Variants in STK31 observed in about 807,000 individuals in gnomAD.
STK31 encodes the protein serine/threonine-protein kinase 31.
A neutral mutation model predicts 129.7 loss-of-function variants in STK31; 89 were observed. That is an observed-to-expected ratio of 0.69 (90% CI 0.58 to 0.82). The LOEUF (loss-of-function observed/expected upper bound fraction) is 0.82. Ranked by LOEUF, STK31 falls within the 40% of genes least tolerant of loss-of-function variation. The probability of loss-of-function intolerance (pLI) is 0.00; values close to 1 mark genes in which losing one functional copy is unlikely to be tolerated. For synonymous variants in STK31, 448 were observed against 395.3 expected (o/e 1.13, Z -1.58); for missense variants, 1,187 against 1,176.4 (o/e 1.01, Z -0.13).
At chr7:23,814,149 A>ATTTTTTTTTTTTTTT (rs371961794) in intron 22 of STK31, among the ~76,000 whole-genome samples, 1 of 119,216 alleles carries the variant, frequency 8.4e-6, no homozygotes, top group Non-Finnish European at 1.6e-5. Context: ...TGGCTCACTT[A>ATTTTTTTTTTTTTTT]TTTTTTTTTT....
Position 23,710,308 on chromosome 7 carries a change from C to A in STK31, c.23C>A (p.Ser8Tyr), listed in dbSNP as rs772566581. 1.9e-6 allele frequency: 3 copies of A among 1,613,328 alleles called. No homozygotes were observed. Among genetic ancestry groups the A allele is most frequent in the Admixed American group, 1.7e-5 (1 of 60,030 alleles). The change falls in exon 1 of 24, where the codon TCT (serine) becomes TAT (tyrosine). Residue 8 changes from serine to tyrosine, a missense_variant. Transcript: ENST00000355870. ...AGTATGTGGGTCCAGGGTCACTCTT[C>A]TAGAGCTTCCGCAACGGAAAGTGTG... MWVQGHS[S>Y]RASATESVSF...
At chr7:23,810,769 AAATATATATT>A (rs1793064974) in intron 22 of STK31, among the ~76,000 whole-genome samples, 2 of 107,136 alleles carry the variant, frequency 1.9e-5, no homozygotes, top group African/African-American at 9.7e-5. Context: ...TATAATATAT[AAATATATATT>A]ATATATAAAT....
chr7:23,823,985 AT>A (rs1793948463), intron 23 of STK31, among the ~76,000 whole-genome samples: 1 of 151,892 alleles, frequency 6.6e-6, no homozygotes, highest in Admixed American at 6.6e-5. Context: ...GTATCATGCT[AT>A]TTTGGTTACT....
chr7:23,754,684 G>A (rs1377853902), intron 10 of STK31, among the ~76,000 whole-genome samples: 1 of 152,062 alleles, frequency 6.6e-6, no homozygotes. Context: ...GGTGTGTATT[G>A]TTTCCCTCCC....
intron 4 of STK31, among the ~76,000 whole-genome samples, chr7:23,724,481 T>G (rs1016240826): frequency 2.6e-5 from 4 of 152,206 alleles, no homozygotes; most frequent in Non-Finnish European, 5.9e-5. Context: ...AAAACAAGGT[T>G]AGGCATTACA....
intron 22 of STK31, among the ~76,000 whole-genome samples, chr7:23,803,956 A>G (rs897806322): frequency 4.6e-5 from 7 of 152,218 alleles, no homozygotes; most frequent in African/African-American, 1.7e-4. Context: ...CCAGTTTTTA[A>G]AAAGTATAAC....
Position 23,710,304 on chromosome 7 carries a change from T to A in STK31, c.19T>A (p.Ser7Thr), listed in dbSNP as rs748107247. Residue 7 changes from serine to threonine, a missense_variant, in exon 1 of 24, where the codon TCT (serine) becomes ACT (threonine). Ser to Thr is a moderately conservative substitution (Grantham distance 58, BLOSUM62 1). Coordinates refer to ENST00000355870, the MANE Select transcript of STK31 (RefSeq NM_031414.5). Reference sequence around the variant, plus strand: ...GTCCAGTATGTGGGTCCAGGGTCACTCTTCTAGAGCTTCCGCAACGGAAAG... The same window carrying A: ...GTCCAGTATGTGGGTCCAGGGTCACACTTCTAGAGCTTCCGCAACGGAAAG... MWVQGH[S>T]SRASATESVS... is the part of the protein sequence containing the mutation. 1 of 1,612,994 alleles carries A rather than the reference T, an allele frequency of 6.2e-7. No homozygotes were observed. Among genetic ancestry groups the A allele is most frequent in the South Asian group, 1.1e-5 (1 of 90,744 alleles).
chr7:23,710,498 T>G (rs1176114280), intron 1 of STK31, 163 bp downstream of exon 1: 13 of 1,494,416 alleles, frequency 8.7e-6, no homozygotes, highest in Non-Finnish European at 1.2e-5. Flanking sequence ...ATGCCCCAGT[T>G]TTTGAGTGCA....
upstream of STK31, chr7:23,710,185 A>G (rs1785835268): frequency 5.0e-6 from 8 of 1,589,480 alleles, no homozygotes; most frequent in Non-Finnish European, 6.9e-6. Flanking sequence ...ATGATGGCGC[A>G]GCGCTGTGCA....
At chr7:23,729,286 G>A in intron 6 of STK31, 37 bp downstream of exon 6, 1 of 1,537,958 alleles carries the variant, frequency 6.5e-7, no homozygotes, top group Non-Finnish European at 8.7e-7. Context: ...GCTAATGAAA[G>A]TAAAACTATG....
At chr7:23,725,160 T>C (rs1400949168) in intron 4 of STK31, among the ~76,000 whole-genome samples, 1 of 152,062 alleles carries the variant, frequency 6.6e-6, no homozygotes, top group Non-Finnish European at 1.5e-5. Flanking sequence ...CAGACCATTG[T>C]AGTGTTTAAG....
At position 23,737,088 on chromosome 7, in the gene STK31, G is replaced by T. The variant is rs769790980; in HGVS notation, c.1017+10G>T. On this transcript the variant is annotated intron_variant, in intron 8 of 23. Coordinates refer to ENST00000355870, the MANE Select transcript of STK31 (RefSeq NM_031414.5). ...TGCCCAGGAGCTGCAGGTATGTTCAGTGGCTTAAGGTGAAGAGTGTCCAAC... is the reference window on the plus strand; with the variant it reads ...TGCCCAGGAGCTGCAGGTATGTTCATTGGCTTAAGGTGAAGAGTGTCCAAC... 2.5e-6 allele frequency: 4 copies of T among 1,583,382 alleles called. No homozygotes were observed. In the South Asian group the frequency reaches 4.6e-5, roughly 18 times the overall value.
chr7:23,751,372 T>A (rs1168160588), intron 8 of STK31, among the ~76,000 whole-genome samples: 1 of 152,212 alleles, frequency 6.6e-6, no homozygotes, highest in Non-Finnish European at 1.5e-5. Flanking sequence ...CAGTGGTTCC[T>A]GCAATATATT....
At chr7:23,795,258 G>C (rs1791884286) in intron 22 of STK31, among the ~76,000 whole-genome samples, 1 of 152,180 alleles carries the variant, frequency 6.6e-6, no homozygotes. Context: ...ATGGCTAAAA[G>C]GGGCCAAGGT....
At chr7:23,770,917 A>G in intron 13 of STK31, 88 bp from the exon 14 acceptor site, 1 of 1,353,782 alleles carries the variant, frequency 7.4e-7, no homozygotes, top group South Asian at 1.7e-5. Context: ...TTAAAGGCAT[A>G]ATTTTGAAGT....
chr7:23,787,252 G>A (rs1037297578), intron 20 of STK31, among the ~76,000 whole-genome samples: 1 of 152,214 alleles, frequency 6.6e-6, no homozygotes, highest in African/African-American at 2.4e-5. Context: ...GGTACTGTAA[G>A]TGCTTAAGTG....
chr7:23,731,573 A>C (rs1013880763), intron 6 of STK31, among the ~76,000 whole-genome samples: 20 of 152,338 alleles, frequency 1.3e-4, no homozygotes, highest in African/African-American at 4.8e-4. Flanking sequence ...GGATTCAGTA[A>C]CAACACAAAT....
chr7:23,817,918 G>T (rs946632322), intron 23 of STK31, among the ~76,000 whole-genome samples: 2 of 150,996 alleles, frequency 1.3e-5, no homozygotes, highest in African/African-American at 4.9e-5. Context: ...TAAATACCTA[G>T]CTTTTGGTTT....
chr7:23,786,799 G>A, intron 19 of STK31, 39 bp from the exon 20 acceptor site: 1 of 1,588,590 alleles, frequency 6.3e-7, no homozygotes, highest in Non-Finnish European at 8.6e-7. Context: ...TGTTGAAGAA[G>A]TTTTTACTTG....
Sources: gnomAD v4.1 joint callset for allele counts (sites outside exome capture counted in the v4.1 genomes callset) on GRCh38, gnomAD v4.1.1 for gene constraint, MANE v1.5 for transcripts, NCBI Gene and HGNC (gene_info 2026-07-23, HGNC 2026-07-21) for gene names.